Variants in AFG2A observed in about 807,000 individuals in gnomAD.
AFG2A encodes the protein ATPase family gene 2 protein homolog A.
the AFG2A span, among the ~76,000 whole-genome samples, chr4:123,123,022 A>G: frequency 6.6e-6 from 1 of 152,128 alleles, no homozygotes; most frequent in East Asian, 1.9e-4. Flanking sequence ...TTCAAAAGGC[A>G]GTTGCCTCAA....
chr4:123,105,986 C>T, the AFG2A span, among the ~76,000 whole-genome samples: 1 of 152,062 alleles, frequency 6.6e-6, no homozygotes, highest in African/African-American at 2.4e-5. Context: ...TGTGGTTTAC[C>T]CTATCAAATA....
the AFG2A span, among the ~76,000 whole-genome samples, chr4:123,002,320 G>A: frequency 1.4e-4 from 22 of 152,084 alleles, no homozygotes; most frequent in African/African-American, 4.6e-4. Context: ...AGTTAATATC[G>A]TTATGTGTGA....
chr4:123,184,747 G>A, the AFG2A span, among the ~76,000 whole-genome samples: 8 of 150,958 alleles, frequency 5.3e-5, no homozygotes, highest in African/African-American at 1.5e-4. Flanking sequence ...CGTTTTAGCC[G>A]GGATGGTCTC....
At chr4:123,034,784 C>G in the AFG2A span, among the ~76,000 whole-genome samples, 2 of 152,022 alleles carry the variant, frequency 1.3e-5, no homozygotes, top group African/African-American at 4.8e-5. Flanking sequence ...AAATCTTAAA[C>G]TTTGCTAAAA....
chr4:123,202,346 ATGT>A, the AFG2A span, among the ~76,000 whole-genome samples: 1 of 152,196 alleles, frequency 6.6e-6, no homozygotes, highest in Non-Finnish European at 1.5e-5. Flanking sequence ...GTTTTATGCA[ATGT>A]ATATAAACAT....
At chr4:123,055,709 C>T in the AFG2A span, among the ~76,000 whole-genome samples, 1 of 152,060 alleles carries the variant, frequency 6.6e-6, no homozygotes, top group African/African-American at 2.4e-5. Context: ...CATGCTCGTG[C>T]GCACACACAG....
chr4:123,003,209 A>T, the AFG2A span, among the ~76,000 whole-genome samples: 2 of 152,104 alleles, frequency 1.3e-5, no homozygotes, highest in Non-Finnish European at 2.9e-5. Context: ...CATTCGTCTA[A>T]AGTTTTTTCA....
At chr4:123,308,489 C>T in the AFG2A span, among the ~76,000 whole-genome samples, 101,241 of 151,920 alleles carry the variant, frequency 0.67, 36,926 homozygotes, top group Non-Finnish European at 0.81. Context: ...AGATCAGCGG[C>T]GGCATTAGAT....
chr4:123,236,078 A>C, the AFG2A span, among the ~76,000 whole-genome samples: 43 of 152,116 alleles, frequency 2.8e-4, no homozygotes, highest in African/African-American at 9.4e-4. Context: ...AAATGCCCCC[A>C]CCTCCTTTGG....
At chr4:122,950,822 G>A in the AFG2A span, among the ~76,000 whole-genome samples, 2 of 152,226 alleles carry the variant, frequency 1.3e-5, no homozygotes, top group Non-Finnish European at 2.9e-5. Flanking sequence ...CCATTGTGCT[G>A]GGCTCTGGCC....
At chr4:123,198,223 T>G in the AFG2A span, among the ~76,000 whole-genome samples, 3 of 151,176 alleles carry the variant, frequency 2.0e-5, no homozygotes, top group Non-Finnish European at 4.4e-5. Flanking sequence ...GAGCCAAGAT[T>G]GTGCCACTGC....
the AFG2A span, among the ~76,000 whole-genome samples, chr4:123,078,051 T>G: frequency 2.6e-5 from 4 of 152,318 alleles, no homozygotes; most frequent in African/African-American, 9.6e-5. Context: ...CAGAAGTGGG[T>G]TGGACGATTC....
the AFG2A span, among the ~76,000 whole-genome samples, chr4:123,205,414 G>A: frequency 6.6e-6 from 1 of 151,182 alleles, no homozygotes; most frequent in African/African-American, 2.4e-5. Flanking sequence ...TCAAATCCGT[G>A]GATTCAACGA....
At chr4:123,184,300 T>G in the AFG2A span, among the ~76,000 whole-genome samples, 2 of 152,198 alleles carry the variant, frequency 1.3e-5, no homozygotes, top group Non-Finnish European at 2.9e-5. Context: ...GATTTTGGCA[T>G]TCTAAGTATT....
the AFG2A span, chr4:122,933,537 C>G: frequency 5.2e-6 from 8 of 1,539,144 alleles, no homozygotes; most frequent in Non-Finnish European, 7.2e-6. Context: ...AAGTTTTAAG[C>G]TGCAAGGCAT....
the AFG2A span, among the ~76,000 whole-genome samples, chr4:123,113,421 G>T: frequency 0.012 from 1,802 of 151,980 alleles, 41 homozygotes; most frequent in African/African-American, 0.04. Context: ...TTACCCAGAC[G>T]ATCTCTACAG....
At chr4:123,175,481 G>A in the AFG2A span, among the ~76,000 whole-genome samples, 1 of 152,180 alleles carries the variant, frequency 6.6e-6, no homozygotes, top group African/African-American at 2.4e-5. Flanking sequence ...TGAAAAATCA[G>A]TTGGTAAATC....
the AFG2A span, among the ~76,000 whole-genome samples, chr4:123,252,328 TAAAAC>T: frequency 2.0e-5 from 3 of 152,138 alleles, no homozygotes; most frequent in Non-Finnish European, 2.9e-5. Context: ...TGAAGTACAT[TAAAAC>T]AAAACAAAAC....
the AFG2A span, among the ~76,000 whole-genome samples, chr4:123,020,215 A>G: frequency 1.3e-5 from 2 of 152,102 alleles, no homozygotes; most frequent in African/African-American, 4.8e-5. Context: ...ATGCACACAG[A>G]CACACACACG....
Sources: allele counts gnomAD v4.1 joint callset (sites outside exome capture counted in the v4.1 genomes callset), GRCh38; gene constraint gnomAD v4.1.1; transcripts MANE v1.5; gene names NCBI Gene and HGNC (gene_info 2026-07-23, HGNC 2026-07-21).